KLHL29: variants seen among roughly 807,000 people sequenced by gnomAD.
KLHL29 encodes kelch like family member 29.
A neutral mutation model predicts 80.4 loss-of-function variants in KLHL29; 21 were observed. The ratio of observed to expected loss-of-function variants is 0.26; its 90% confidence interval spans 0.19 to 0.38. The LOEUF (loss-of-function observed/expected upper bound fraction) is 0.38. Among genes scored for constraint, KLHL29 ranks in the 10% least tolerant of loss-of-function variants. The pLI is 1.00. For synonymous variants in KLHL29, 511 were observed against 526.8 expected (o/e 0.97, Z 0.41); for missense variants, 867 against 1,223.9 (o/e 0.71, Z 4.35).
At chr2:23,703,580 C>A (rs1264991052) in intron 12 of KLHL29, 139 bp from the exon 13 acceptor site, 2 of 1,194,402 alleles carry the variant, frequency 1.7e-6, no homozygotes, top group Non-Finnish European at 2.3e-6. Flanking sequence ...TCCCCTAGGC[C>A]CCGGACCCAT....
chr2:23,614,456 C>A (rs1446110212), intron 3 of KLHL29, among the ~76,000 whole-genome samples: 1 of 152,122 alleles, frequency 6.6e-6, no homozygotes, highest in Non-Finnish European at 1.5e-5. Flanking sequence ...AATGAATTCA[C>A]AGTCACAGTA....
At position 23,589,487 on chromosome 2, in the gene KLHL29, G is replaced by A. The variant is rs767765605; in HGVS notation, c.285+27006G>A. On this transcript the variant is annotated intron_variant, in intron 3 of 13. Transcript: ENST00000486442. ...CGGAATCCCGCCACCCACCCACCTC[G>A]GTTTAGCTCCACTCCACACTGCTGT... Among the ~76,000 whole-genome samples, 98 of 152,214 alleles carry A rather than the reference G, an allele frequency of 6.4e-4. 1 individual carries two copies. Among genetic ancestry groups the A allele is most frequent in the Non-Finnish European group, 1.1e-3 (76 of 68,040 alleles).
At chr2:23,565,628 A>G (rs530175718) in intron 3 of KLHL29, among the ~76,000 whole-genome samples, 35 of 151,466 alleles carry the variant, frequency 2.3e-4, no homozygotes, top group Non-Finnish European at 4.9e-4. Flanking sequence ...CTCTAGGGAA[A>G]GCCCATTGTG....
intron 1 of KLHL29, among the ~76,000 whole-genome samples, chr2:23,437,750 T>G (rs1435680976): frequency 6.6e-6 from 1 of 152,252 alleles, no homozygotes; most frequent in African/African-American, 2.4e-5. Context: ...GCATGATGTC[T>G]CCAGCTTTGT....
Position 23,584,319 on chromosome 2 carries a change from C to G in KLHL29, c.285+21838C>G, listed in dbSNP as rs917190660. Among the ~76,000 whole-genome samples the G allele has an allele frequency of 5.3e-5, 8 of 152,316 alleles. No homozygotes were observed. The South Asian group carries it at 1.7e-3, about 32-fold the overall frequency. ...TGCTCAAAGGATATTTATTCCTTAA[C>G]CGCCCAGGGACTGGGGGCAGAGCTG... On this transcript the variant is annotated intron_variant, in intron 3 of 13. Transcript: ENST00000486442.
chr2:23,451,200 CTG>C (rs1423490314), intron 1 of KLHL29, among the ~76,000 whole-genome samples: 1 of 152,206 alleles, frequency 6.6e-6, no homozygotes, highest in African/African-American at 2.4e-5. Flanking sequence ...CTTAACCTCT[CTG>C]TGTCTGTCTC....
chr2:23,601,379 G>C (rs1258412617), intron 3 of KLHL29, among the ~76,000 whole-genome samples: 1 of 152,196 alleles, frequency 6.6e-6, no homozygotes, highest in South Asian at 2.1e-4. Flanking sequence ...GAATTTATAT[G>C]AATAATTTGT....
At chr2:23,677,164 G>T (rs1670945870) in intron 5 of KLHL29, among the ~76,000 whole-genome samples, 2 of 152,224 alleles carry the variant, frequency 1.3e-5, no homozygotes, top group South Asian at 2.1e-4. Flanking sequence ...GTTCCAGCTG[G>T]AAGGCAGTCT....
intron 1 of KLHL29, among the ~76,000 whole-genome samples, chr2:23,441,021 C>T (rs1663501986): frequency 6.6e-6 from 1 of 152,272 alleles, no homozygotes; most frequent in East Asian, 1.9e-4. Flanking sequence ...TATAAAGACA[C>T]ATGCACACGT....
rs180951546 is a variant in KLHL29 at position 23,403,908 on chromosome 2, G to C, written c.-154+18128G>C. On this transcript the variant is annotated intron_variant, in intron 1 of 13. Coordinates refer to ENST00000486442, the MANE Select transcript of KLHL29 (RefSeq NM_052920.2). ...GCCAGAAGAGGTGGGGGGTAGCTGT[G>C]GGCAGAGCCCTCCCAAGAATTCTGG... 2.0e-3 allele frequency among the ~76,000 whole-genome samples: 297 copies of C among 152,208 alleles called. 1 individual carries two copies. The highest frequency in any genetic ancestry group is 3.4e-3 in the Non-Finnish European group (228 of 67,996).
In KLHL29 at chr2:23,589,687, C is replaced by A. The variant is rs142272013; in HGVS notation, c.285+27206C>A. Among the ~76,000 whole-genome samples the A allele has an allele frequency of 8.1e-4, 123 of 152,354 alleles. 1 individual carries two copies. The highest frequency in any genetic ancestry group is 2.9e-3 in the African/African-American group (119 of 41,590). ...ACCTGCAGAGAAGTAGGCTTTTCCTCTCTGCCTCAGAGGAAAATCTGAGTT... is the reference window on the plus strand; with the variant it reads ...ACCTGCAGAGAAGTAGGCTTTTCCTATCTGCCTCAGAGGAAAATCTGAGTT... On this transcript the variant is annotated intron_variant, in intron 3 of 13. Coordinates refer to ENST00000486442, the MANE Select transcript of KLHL29 (RefSeq NM_052920.2).
At chr2:23,549,105 C>T (rs886071577) in intron 2 of KLHL29, among the ~76,000 whole-genome samples, 2 of 152,132 alleles carry the variant, frequency 1.3e-5, no homozygotes, top group African/African-American at 4.8e-5. Flanking sequence ...CGCCTTGGGC[C>T]CTGGAGGTCA....
intron 6 of KLHL29, chr2:23,691,314 G>A (rs550197051): frequency 1.0e-5 from 3 of 291,978 alleles, no homozygotes; most frequent in South Asian, 3.8e-5. Context: ...GCTGGGATGC[G>A]TCGGCCTGCT....
intron 5 of KLHL29, among the ~76,000 whole-genome samples, chr2:23,676,399 G>A (rs1308001565): frequency 1.3e-5 from 2 of 152,184 alleles, no homozygotes; most frequent in East Asian, 3.9e-4. Context: ...AGCCAGGATG[G>A]TCTTGATCTC....
intron 2 of KLHL29, among the ~76,000 whole-genome samples, chr2:23,553,395 T>A (rs1297268480): frequency 6.6e-6 from 1 of 151,948 alleles, no homozygotes; most frequent in Non-Finnish European, 1.5e-5. Context: ...CATCCTAGAG[T>A]GGAACAGGAG....
rs550576439 is a variant in KLHL29, at chr2:23,385,448, AGCCGCC to A, written c.-470_-465del. ...GAGAGGGCGGGGGCGATGCTGCCGG[AGCCGCC>A]GCCGCCGCCGCCGCCTCGATGAGAG... On this transcript the variant is annotated 5_prime_UTR_variant, in exon 1 of 14. Transcript: ENST00000486442. The A allele has an allele frequency of 3.1e-5, 5 of 161,606 alleles. No individual in the cohort carries two copies. The highest frequency in any genetic ancestry group is 5.6e-5 in the Non-Finnish European group (4 of 71,428). The allele number at this position is 161,606 out of a possible 1,614,324, so 10.0% of individuals were successfully genotyped here. A position where few individuals can be genotyped will look rare whatever the true frequency, so the allele number is the denominator to read the frequency against.
intron 2 of KLHL29, among the ~76,000 whole-genome samples, chr2:23,491,779 C>T (rs907084988): frequency 1.3e-5 from 2 of 152,168 alleles, no homozygotes; most frequent in Non-Finnish European, 2.9e-5. Context: ...AGGTGCCGTG[C>T]GACCTCGCTG....
intron 3 of KLHL29, among the ~76,000 whole-genome samples, chr2:23,635,340 C>T (rs1464598450): frequency 6.6e-6 from 1 of 152,220 alleles, no homozygotes; most frequent in African/African-American, 2.4e-5. Context: ...GCCCTACACA[C>T]CTTTCCCTAA....
At chr2:23,418,292 G>T (rs1295734348) in intron 1 of KLHL29, among the ~76,000 whole-genome samples, 2 of 152,176 alleles carry the variant, frequency 1.3e-5, no homozygotes, top group Non-Finnish European at 2.9e-5. Context: ...TCAGCCCTTG[G>T]TGATGGAGTG....
Sources: gnomAD v4.1 joint callset for allele counts (sites outside exome capture counted in the v4.1 genomes callset) on GRCh38, gnomAD v4.1.1 for gene constraint, MANE v1.5 for transcripts, NCBI Gene and HGNC (gene_info 2026-07-23, HGNC 2026-07-21) for gene names.